The following TRIM24 variants were observed in gnomAD, a reference collection of about 807,000 sequenced individuals.
TRIM24 encodes transcription intermediary factor 1-alpha.
In TRIM24, 29 loss-of-function variants were observed where a neutral mutation model predicts 123.9. The ratio of observed to expected loss-of-function variants is 0.23; its 90% confidence interval spans 0.17 to 0.32. The LOEUF (loss-of-function observed/expected upper bound fraction) is 0.32. Among genes scored for constraint, TRIM24 ranks in the 10% least tolerant of loss-of-function variants. The pLI is 1.00. For missense variants in TRIM24, 932 were observed against 1,295.3 expected, an observed-to-expected ratio of 0.72 and a Z score of 4.31; for synonymous variants, 456 against 461.1, an observed-to-expected ratio of 0.99 and a Z score of 0.14.
chr7:138,504,902 A>G (rs1276639345), intron 2 of TRIM24, among the ~76,000 whole-genome samples: 1 of 151,918 alleles, frequency 6.6e-6, no homozygotes, highest in Admixed American at 6.6e-5. Context: ...CTGGGATTAC[A>G]GGTGTGTGCC....
chr7:138,543,133 GT>G (rs1351980068), intron 7 of TRIM24, among the ~76,000 whole-genome samples: 1 of 152,036 alleles, frequency 6.6e-6, no homozygotes, highest in Non-Finnish European at 1.5e-5. Flanking sequence ...TTTTCATTGT[GT>G]TCTGATTTTG....
chr7:138,567,379 G>T, intron 9 of TRIM24, 102 bp from the exon 10 acceptor site: 4 of 1,053,036 alleles, frequency 3.8e-6, no homozygotes, highest in Non-Finnish European at 2.7e-6. Context: ...ATTGATCTGT[G>T]GCAGAGTTCT....
intron 2 of TRIM24, 34 bp from the exon 3 acceptor site, chr7:138,515,178 C>T: frequency 6.3e-7 from 1 of 1,588,014 alleles, no homozygotes; most frequent in Non-Finnish European, 8.6e-7. Flanking sequence ...TTTTCATTTT[C>T]TCAAAAATTT....
At chr7:138,469,403 G>A (rs1371912093) in intron 1 of TRIM24, among the ~76,000 whole-genome samples, 3 of 149,202 alleles carry the variant, frequency 2.0e-5, no homozygotes, top group African/African-American at 5.0e-5. Context: ...CCACCTCCCC[G>A]GTTCAAACAA....
chr7:138,535,141 G>C (rs971841165), intron 6 of TRIM24, among the ~76,000 whole-genome samples: 1 of 152,014 alleles, frequency 6.6e-6, no homozygotes, highest in Non-Finnish European at 1.5e-5. Flanking sequence ...CTGAATACAG[G>C]ACACTGATGG....
At chr7:138,579,083 T>G (rs1034810814) in intron 14 of TRIM24, 121 bp from the exon 15 acceptor site, 4 of 731,646 alleles carry the variant, frequency 5.5e-6, no homozygotes, top group Non-Finnish European at 4.4e-6. Flanking sequence ...ACATATACCC[T>G]TCTCCTGAAG....
chr7:138,545,302 G>A (rs1273121012), intron 7 of TRIM24, among the ~76,000 whole-genome samples: 4 of 152,122 alleles, frequency 2.6e-5, no homozygotes, highest in African/African-American at 7.2e-5. Context: ...TTGGGGAACC[G>A]CAACAGGCAT....
Position 138,573,636 on chromosome 7 carries a change from C to T in TRIM24, c.2008C>T (p.Leu670Phe), listed in dbSNP as rs753131724. ...AAATTCATCAGTGCCATCTCCAGGC[C>T]TTGCAGGTAAAGTGGGCTTCTTTTG... is the stretch of plus-strand genomic sequence containing the variant. ...SPNSSVPSPG[L>F]AGPVTMTSVH... Residue 670 changes from leucine to phenylalanine, a missense_variant, in exon 12 of 19, where the codon CTT becomes TTT. Leu to Phe is a conservative substitution (Grantham distance 22). This residue lies in a region of TRIM24 where 527 missense variants were observed against 691.3 expected (regional missense o/e 0.76). Coordinates refer to ENST00000343526, the MANE Select transcript of TRIM24 (RefSeq NM_015905.3). The T allele has an allele frequency of 1.2e-6, 2 of 1,603,198 alleles. No homozygotes were observed. Among genetic ancestry groups the T allele is most frequent in the South Asian group, 1.1e-5 (1 of 87,540 alleles).
intron 6 of TRIM24, among the ~76,000 whole-genome samples, chr7:138,532,147 T>G (rs1280067209): frequency 1.3e-5 from 2 of 151,776 alleles, no homozygotes; most frequent in African/African-American, 4.9e-5. Flanking sequence ...TGCAAAACTT[T>G]TTTCCCATTC....
chr7:138,460,583 C>CGGT lies in TRIM24; in HGVS notation c.37_38insTGG (p.Ala12_Ala13insVal). 1 of 1,315,298 alleles carries CGGT rather than the reference C, an allele frequency of 7.6e-7. No individual in the cohort carries two copies. The highest frequency in any genetic ancestry group is 9.6e-7 in the Non-Finnish European group (1 of 1,042,654). The allele number at this position is 1,315,298 out of a possible 1,614,324, so 81.5% of individuals were successfully genotyped here. On this transcript the variant is annotated inframe_insertion, in exon 1 of 19. Transcript: ENST00000343526. ...GCGGTGGAGAAGGCGGTGGCGGCGG[C>CGGT]GGCAGCGGCCTCGGCTGCGGCCTCC...
rs568110493 is a variant in TRIM24, at chr7:138,554,164, C to T, written c.1262-534C>T. 3.2e-4 allele frequency among the ~76,000 whole-genome samples: 48 copies of T among 152,264 alleles called. No homozygotes were observed. Among genetic ancestry groups the T allele is most frequent in the African/African-American group, 1.1e-3 (44 of 41,548 alleles). The stretch of plus-strand genomic sequence containing the variant: ...GGTTGGCCACTCCTAGGTTCCTTAA[C>T]GCAGAACTCCAAACACACATTCTTC... On this transcript the variant is annotated intron_variant, in intron 8 of 18. Transcript: ENST00000343526. This position sits in a 1 kb window ranked among gnomAD's most constrained non-coding sequence, Gnocchi z 4.5.
rs1446689438 is a variant in TRIM24 at position 138,571,788 on chromosome 7, C to T, written c.1878+785C>T. On this transcript the variant is annotated intron_variant, in intron 11 of 18. Coordinates refer to ENST00000343526, the MANE Select transcript of TRIM24 (RefSeq NM_015905.3). ...GACGCCCTATGTTACCCAGGCTGGTCTTGAACTCCTGGGCTGAAGGGATCC... is the reference window on the plus strand; with the variant it reads ...GACGCCCTATGTTACCCAGGCTGGTTTTGAACTCCTGGGCTGAAGGGATCC... Among the ~76,000 whole-genome samples the T allele has an allele frequency of 2.0e-5, 3 of 152,094 alleles. 1 individual carries two copies. Among genetic ancestry groups the T allele is most frequent in the Admixed American group, 6.5e-5 (1 of 15,270 alleles).
Position 138,570,896 on chromosome 7 carries a change from C to T in TRIM24, c.1771C>T (p.Pro591Ser). The T allele has an allele frequency of 1.2e-6, 2 of 1,614,064 alleles. No homozygotes were observed. Among genetic ancestry groups the T allele is most frequent in the Non-Finnish European group, 1.7e-6 (2 of 1,180,012 alleles). Residue 591 changes from proline to serine, a missense_variant, in exon 11 of 19, where the codon CCC (proline) becomes TCC (serine). By Grantham distance (74) the Pro-to-Ser change is moderately conservative (BLOSUM62 -1). Transcript: ENST00000343526. ...CAGCACATCCTCTACTCCTTCCAGC[C>T]CCACGATTACTAGTGCAGCAGGATA... ...TNSTSSTPSS[P>S]TITSAAGYDG...
In TRIM24 at chr7:138,535,042, G is replaced by A. The variant is rs541848947; in HGVS notation, c.997-3615G>A. 6.1e-4 allele frequency among the ~76,000 whole-genome samples: 93 copies of A among 152,172 alleles called. No individual in the cohort carries two copies. In the Middle Eastern group the frequency reaches 0.01, roughly 17 times the overall value. ...ATCAGAGACTAGGATTGCCACCCCTGCCTTTTTTTGTTTTCCATTTGCTTG... is the reference window on the plus strand; with the variant it reads ...ATCAGAGACTAGGATTGCCACCCCTACCTTTTTTTGTTTTCCATTTGCTTG... On this transcript the variant is annotated intron_variant, in intron 6 of 18. Coordinates refer to ENST00000343526, the MANE Select transcript of TRIM24 (RefSeq NM_015905.3).
In TRIM24 at chr7:138,460,612, G is replaced by A; in HGVS notation, c.64G>A (p.Gly22Arg). Residue 22 changes from glycine to arginine, a missense_variant, in exon 1 of 19, where the codon GGG becomes AGG. By Grantham distance (125) the Gly-to-Arg change is moderately radical. Coordinates refer to ENST00000343526, the MANE Select transcript of TRIM24 (RefSeq NM_015905.3). ...AAAASAAASG[G>R]PSAAPSGENE... ...AGCGGCCTCGGCTGCGGCCTCCGGG[G>A]GGCCCTCGGCGGCGCCGAGCGGGGA... 2 of 1,370,008 alleles carry A rather than the reference G, an allele frequency of 1.5e-6. No individual in the cohort carries two copies. Among genetic ancestry groups the A allele is most frequent in the Non-Finnish European group, 1.9e-6 (2 of 1,068,570 alleles). 84.9% of individuals were successfully genotyped at this position (1,370,008 alleles called of 1,614,324 possible).
intron 3 of TRIM24, among the ~76,000 whole-genome samples, chr7:138,518,646 CT>C (rs764797188): frequency 4.6e-5 from 7 of 152,122 alleles, no homozygotes; most frequent in Non-Finnish European, 1.0e-4. Context: ...CTTCCTCCCT[CT>C]TTTTCCATCT....
chr7:138,536,443 C>G (rs1205717424), intron 6 of TRIM24, among the ~76,000 whole-genome samples: 1 of 152,194 alleles, frequency 6.6e-6, no homozygotes, highest in Non-Finnish European at 1.5e-5. Context: ...CAGTCAGGAC[C>G]CTCAGCTGCA....
chr7:138,535,067 G>T (rs1235006734), intron 6 of TRIM24, among the ~76,000 whole-genome samples: 1 of 151,924 alleles, frequency 6.6e-6, no homozygotes, highest in Non-Finnish European at 1.5e-5. Context: ...CCATTTGCTT[G>T]GTAGATCTTC....
chr7:138,564,376 A>G (rs965527227), intron 9 of TRIM24, among the ~76,000 whole-genome samples: 1 of 152,172 alleles, frequency 6.6e-6, no homozygotes. Flanking sequence ...TACCATCTGA[A>G]TCTGACTCCT....
Sources: gnomAD v4.1 joint callset for allele counts (sites outside exome capture counted in the v4.1 genomes callset) on GRCh38, gnomAD v4.1.1 for gene constraint, gnomAD v4.1.1 regional missense constraint, Gnocchi (gnomAD v3.1) non-coding constraint, MANE v1.5 for transcripts, NCBI Gene and HGNC (gene_info 2026-07-23, HGNC 2026-07-21) for gene names.